Variants in DLGAP1 observed in about 807,000 individuals in gnomAD.
DLGAP1 encodes the protein DLG associated protein 1.
DLGAP1 carries 11 observed loss-of-function variants against 90.8 expected under a neutral mutation model. The observed-to-expected ratio is 0.12, with a 90% CI of 0.08 to 0.20. DLGAP1 has a LOEUF of 0.20. Among genes scored for constraint, DLGAP1 ranks in the 10% least tolerant of loss-of-function variants. DLGAP1 has a pLI of 1.00. For missense variants in DLGAP1, 1,050 were observed against 1,333.8 expected (o/e 0.79, Z 3.31); for synonymous variants, 558 against 540.7 (o/e 1.03, Z -0.44).
intron 5 of DLGAP1, chr18:3,774,210 A>C (rs2064832335): frequency 6.6e-6 from 1 of 152,228 alleles, no homozygotes. Flanking sequence ...TTAAGGACTT[A>C]GCAAAAGCCT....
At chr18:3,975,650 G>A (rs8098835) in intron 3 of DLGAP1, among the ~76,000 whole-genome samples, 60,376 of 152,010 alleles carry the variant, frequency 0.4, 12,186 homozygotes, top group Non-Finnish European at 0.42. Flanking sequence ...ATTATTTACA[G>A]TAGCCAAAAA....
chr18:4,140,692 A>G (rs1421570293), intron 2 of DLGAP1, among the ~76,000 whole-genome samples: 1 of 152,048 alleles, frequency 6.6e-6, no homozygotes, highest in East Asian at 1.9e-4. Flanking sequence ...TTTGGATTAA[A>G]GTACTCCCTT....
intron 2 of DLGAP1, among the ~76,000 whole-genome samples, chr18:4,075,108 A>G (rs999918894): frequency 6.6e-6 from 1 of 152,096 alleles, no homozygotes; most frequent in South Asian, 2.1e-4. Flanking sequence ...CACCAATAGG[A>G]TTTTCCTCTT....
chr18:4,047,124 T>C (rs567516939), intron 2 of DLGAP1, among the ~76,000 whole-genome samples: 1 of 152,358 alleles, frequency 6.6e-6, no homozygotes, highest in East Asian at 1.9e-4. Flanking sequence ...CTACTCTGAA[T>C]GCAGAACCAT....
At chr18:3,990,595 G>A (rs1411140054) in intron 3 of DLGAP1, among the ~76,000 whole-genome samples, 2 of 149,098 alleles carry the variant, frequency 1.3e-5, no homozygotes, top group East Asian at 3.9e-4. Flanking sequence ...TAACAAACCT[G>A]CACGTTGTGC....
At chr18:3,968,347 T>C (rs564369552) in intron 3 of DLGAP1, among the ~76,000 whole-genome samples, 9 of 152,342 alleles carry the variant, frequency 5.9e-5, no homozygotes, top group African/African-American at 2.2e-4. Flanking sequence ...CTTTTTATTT[T>C]ATGCAGTAAA....
At chr18:3,641,584 T>TACACACAC (rs1381099647) in intron 7 of DLGAP1, among the ~76,000 whole-genome samples, 77 of 125,168 alleles carry the variant, frequency 6.2e-4, no homozygotes, top group East Asian at 2.4e-3. Context: ...CACATATATA[T>TACACACAC]ATACACACAC....
intron 1 of DLGAP1, among the ~76,000 whole-genome samples, chr18:4,411,514 C>A (rs140486541): frequency 1.3e-5 from 2 of 152,220 alleles, no homozygotes; most frequent in East Asian, 1.9e-4. Context: ...TAGATCAGAG[C>A]GAGTCAATTT....
chr18:3,834,667 A>T (rs1425670269), intron 4 of DLGAP1, among the ~76,000 whole-genome samples: 1 of 152,222 alleles, frequency 6.6e-6, no homozygotes, highest in Non-Finnish European at 1.5e-5. Flanking sequence ...CAGAAGGCGA[A>T]TGTTAAAATG....
intron 2 of DLGAP1, among the ~76,000 whole-genome samples, chr18:4,031,642 T>C (rs1396940854): frequency 6.6e-6 from 1 of 152,178 alleles, no homozygotes; most frequent in African/African-American, 2.4e-5. Context: ...GTAAGGTGCA[T>C]GAAAGAGCTT....
intron 1 of DLGAP1, among the ~76,000 whole-genome samples, chr18:4,183,979 G>A (rs1160861007): frequency 6.6e-6 from 1 of 152,094 alleles, no homozygotes; most frequent in Non-Finnish European, 1.5e-5. Flanking sequence ...TAATGCCCAC[G>A]CAGGAAAGTT....
intron 1 of DLGAP1, among the ~76,000 whole-genome samples, chr18:4,306,282 A>G (rs577217961): frequency 2.5e-4 from 38 of 152,158 alleles, no homozygotes; most frequent in African/African-American, 5.8e-4. Flanking sequence ...CAAAGGGGAC[A>G]CAAGTAGAGG....
intron 1 of DLGAP1, among the ~76,000 whole-genome samples, chr18:4,418,299 A>C (rs1008793553): frequency 1.3e-5 from 2 of 152,190 alleles, no homozygotes; most frequent in Admixed American, 6.5e-5. Flanking sequence ...AAAAACATAA[A>C]GTATATAGAA....
chr18:3,635,162 G>C (rs184265746), intron 7 of DLGAP1, among the ~76,000 whole-genome samples: 3 of 145,606 alleles, frequency 2.1e-5, no homozygotes, highest in Non-Finnish European at 4.5e-5. Flanking sequence ...AGGGAGTCTC[G>C]CTCTTTCACC....
intron 7 of DLGAP1, among the ~76,000 whole-genome samples, chr18:3,600,981 G>GAT (rs1207360785): frequency 4.5e-4 from 32 of 71,178 alleles, no homozygotes; most frequent in Middle Eastern, 6.8e-3. Context: ...TAGATATATA[G>GAT]ATATAGATAT....
At chr18:4,008,630 T>C (rs1043562212) in intron 2 of DLGAP1, among the ~76,000 whole-genome samples, 1 of 152,248 alleles carries the variant, frequency 6.6e-6, no homozygotes, top group African/African-American at 2.4e-5. Flanking sequence ...CCAATTGCTC[T>C]GTGAAAGTGT....
chr18:4,365,518 C>A (rs1189816339), intron 1 of DLGAP1, among the ~76,000 whole-genome samples: 4 of 152,016 alleles, frequency 2.6e-5, no homozygotes, highest in Non-Finnish European at 5.9e-5. Context: ...TACATAAAAT[C>A]ATTGAATTAC....
At chr18:4,224,637 T>G (rs2078147505) in intron 1 of DLGAP1, among the ~76,000 whole-genome samples, 1 of 150,818 alleles carries the variant, frequency 6.6e-6, no homozygotes, top group African/African-American at 2.4e-5. Context: ...GAGAGAAGAG[T>G]GGGAAGAACT....
chr18:3,788,660 C>G (rs1293239322), intron 5 of DLGAP1, among the ~76,000 whole-genome samples: 1 of 152,150 alleles, frequency 6.6e-6, no homozygotes, highest in African/African-American at 2.4e-5. Context: ...CTTTGTGAAT[C>G]AGATGTAATC....
Sources: gnomAD v4.1 joint callset for allele counts (sites outside exome capture counted in the v4.1 genomes callset) on GRCh38, gnomAD v4.1.1 for gene constraint, MANE v1.5 for transcripts, NCBI Gene and HGNC (gene_info 2026-07-23, HGNC 2026-07-21) for gene names.